The following RANBP2 variants were observed in gnomAD, a reference collection of about 807,000 sequenced individuals.
RANBP2 encodes E3 SUMO-protein ligase RanBP2.
Under a neutral mutation model 303.6 loss-of-function variants are expected in RANBP2, and 57 were observed. That is an observed-to-expected ratio of 0.19 (90% confidence interval 0.15 to 0.23). The LOEUF (loss-of-function observed/expected upper bound fraction) is 0.23, where lower values mean the gene tolerates loss of function less well. Among genes scored for constraint, RANBP2 ranks in the 10% least tolerant of loss-of-function variants. The pLI is 1.00. For missense variants in RANBP2, 3,138 were observed against 3,780.8 expected, an observed-to-expected ratio of 0.83 and a Z score of 4.46; for synonymous variants, 1,167 against 1,301.5, an observed-to-expected ratio of 0.90 and a Z score of 2.23.
chr2:109,472,406 G>A, the RANBP2 span, among the ~76,000 whole-genome samples: 1 of 152,118 alleles, frequency 6.6e-6, no homozygotes, highest in African/African-American at 2.4e-5. Flanking sequence ...CACAGAAAGA[G>A]GAAATCCAAA....
At chr2:108,884,499 GAAGA>G in the RANBP2 span, 2 of 152,194 alleles carry the variant, frequency 1.3e-5, no homozygotes, top group South Asian at 2.1e-4. Context: ...AATCAAAATA[GAAGA>G]AAGAGCACCG....
At chr2:109,700,354 G>A in the RANBP2 span, among the ~76,000 whole-genome samples, 3 of 152,128 alleles carry the variant, frequency 2.0e-5, no homozygotes, top group Non-Finnish European at 2.9e-5. Context: ...AAGGTGGTTG[G>A]GGCACAGCTT....
the RANBP2 span, among the ~76,000 whole-genome samples, chr2:109,271,910 A>AC: frequency 2.0e-5 from 3 of 152,354 alleles, no homozygotes; most frequent in Middle Eastern, 3.4e-3. Flanking sequence ...ACCGCTACGC[A>AC]CACACACTCA....
chr2:109,572,735 G>C, the RANBP2 span, among the ~76,000 whole-genome samples: 3 of 149,004 alleles, frequency 2.0e-5, no homozygotes, highest in Admixed American at 1.4e-4. Context: ...TCCTGCCTCA[G>C]CCTCCTGAGT....
At chr2:109,130,256 T>C in the RANBP2 span, 2 of 837,468 alleles carry the variant, frequency 2.4e-6, no homozygotes, top group Non-Finnish European at 3.2e-6. Flanking sequence ...TTCCTCCAAC[T>C]TCGCTTGCTT....
the RANBP2 span, among the ~76,000 whole-genome samples, chr2:109,537,195 CT>C: frequency 6.6e-6 from 1 of 152,142 alleles, no homozygotes; most frequent in Non-Finnish European, 1.5e-5. Context: ...GGTAGATATC[CT>C]TTATCAAAAT....
chr2:109,415,516 C>A, the RANBP2 span, among the ~76,000 whole-genome samples: 1 of 152,108 alleles, frequency 6.6e-6, no homozygotes, highest in African/African-American at 2.4e-5. Flanking sequence ...CGTGTCCAGA[C>A]CCCCTCCTGA....
chr2:108,792,538 G>A, the RANBP2 span, among the ~76,000 whole-genome samples: 443 of 152,266 alleles, frequency 2.9e-3, 5 homozygotes, highest in African/African-American at 0.01. Context: ...AGAAATGCTC[G>A]GGCCAGGGAT....
the RANBP2 span, among the ~76,000 whole-genome samples, chr2:109,681,566 A>AT: frequency 6.6e-6 from 1 of 152,208 alleles, no homozygotes; most frequent in Non-Finnish European, 1.5e-5. Context: ...ACCTTTAATG[A>AT]TTTTTAAAAG....
the RANBP2 span, among the ~76,000 whole-genome samples, chr2:109,683,626 G>A: frequency 6.6e-6 from 1 of 151,970 alleles, no homozygotes; most frequent in African/African-American, 2.4e-5. Context: ...CTGGCCGGCC[G>A]TACTGCTCCA....
the RANBP2 span, among the ~76,000 whole-genome samples, chr2:108,900,082 A>T: frequency 6.6e-6 from 1 of 152,222 alleles, no homozygotes; most frequent in Non-Finnish European, 1.5e-5. Flanking sequence ...AAAGAGATAA[A>T]ATCAAAATGT....
rs200662362 is a variant in RANBP2, at chr2:108,765,891, G to A, written c.5352G>A (p.Gln1784=). The stretch of plus-strand genomic sequence containing the variant: ...AAGGAATGTTCATCAGGAAAGGACA[G>A]TGGGATTGTAGTGTTTGCTGTGTAC... ...GFEGMFIRKG[Q]WDCSVCCVQN... is the part of the protein sequence containing the mutation. The change falls in exon 20 of 29, where the codon CAG becomes CAA. Residue 1784 remains glutamine (Q), a synonymous_variant. Coordinates refer to ENST00000283195, the MANE Select transcript of RANBP2 (RefSeq NM_006267.5). 9.9e-6 allele frequency: 16 copies of A among 1,614,222 alleles called. No individual in the cohort carries two copies. Among genetic ancestry groups the A allele is most frequent in the Admixed American group, 3.3e-5 (2 of 60,026 alleles).
the RANBP2 span, chr2:108,873,580 C>G: frequency 1.9e-6 from 3 of 1,591,238 alleles, no homozygotes; most frequent in Middle Eastern, 3.4e-4. Context: ...CAGAAACTTT[C>G]CAAAATCAAG....
At chr2:109,677,985 C>G in the RANBP2 span, among the ~76,000 whole-genome samples, 34 of 152,284 alleles carry the variant, frequency 2.2e-4, no homozygotes, top group East Asian at 4.8e-3. Context: ...CCAGAGGGGA[C>G]TGAAATGGGC....
chr2:109,545,224 G>C, the RANBP2 span: 3 of 985,276 alleles, frequency 3.0e-6, no homozygotes, highest in Non-Finnish European at 3.6e-6. Context: ...ATTCTGAATA[G>C]AACAAGGCAT....
At chr2:109,347,514 A>G in the RANBP2 span, among the ~76,000 whole-genome samples, 1 of 152,078 alleles carries the variant, frequency 6.6e-6, no homozygotes, top group African/African-American at 2.4e-5. Flanking sequence ...TGTTCCTGTG[A>G]CAGGCTGTTT....
chr2:109,295,704 A>G, the RANBP2 span, among the ~76,000 whole-genome samples: 1 of 152,086 alleles, frequency 6.6e-6, no homozygotes, highest in East Asian at 1.9e-4. Flanking sequence ...TGGGGACATG[A>G]AGATCAGGGA....
At chr2:109,007,960 C>T in the RANBP2 span, among the ~76,000 whole-genome samples, 28 of 152,222 alleles carry the variant, frequency 1.8e-4, 2 homozygotes, top group Admixed American at 1.2e-3. Flanking sequence ...CAGGGTAAGC[C>T]GACCATAGCA....
chr2:108,873,825 C>T, the RANBP2 span, among the ~76,000 whole-genome samples: 4 of 152,140 alleles, frequency 2.6e-5, no homozygotes, highest in African/African-American at 9.7e-5. Flanking sequence ...CAAAGCCATC[C>T]TGGGCCGCAT....
Sources: allele counts gnomAD v4.1 joint callset (sites outside exome capture counted in the v4.1 genomes callset), GRCh38; gene constraint gnomAD v4.1.1; transcripts MANE v1.5; gene names NCBI Gene and HGNC (gene_info 2026-07-23, HGNC 2026-07-21).